The following NT5C2 variants were observed in gnomAD, a reference collection of about 807,000 sequenced individuals.
NT5C2 encodes the protein cytosolic purine 5'-nucleotidase.
Under a neutral mutation model 76.1 loss-of-function variants are expected in NT5C2, and 58 were observed. The ratio of observed to expected loss-of-function variants is 0.76; its 90% CI spans 0.62 to 0.95. NT5C2 has a LOEUF of 0.95. Ranked by LOEUF, NT5C2 falls within the 40% of genes least tolerant of loss-of-function variation. NT5C2 has a pLI of 0.00. For missense variants in NT5C2, 478 were observed against 690.3 expected (o/e 0.69, Z 3.45); for synonymous variants, 229 against 237.4 (o/e 0.96, Z 0.32).
rs117714488 is a variant in NT5C2, at chr10:103,111,438, A to G, written c.176-4732T>C. Among the ~76,000 whole-genome samples, 14 of 152,344 alleles carry G rather than the reference A, an allele frequency of 9.2e-5. No homozygotes were observed. In the East Asian group the frequency reaches 2.7e-3, roughly 29 times the overall value. On this transcript the variant is annotated intron_variant, in intron 4 of 18. Transcript: ENST00000404739. Reference sequence around the variant, plus strand: ...TTGAAGTTACTGAGAGCATTTAAAGATATTCTTTACTCCATAATCTGCAAG... The same window carrying G: ...TTGAAGTTACTGAGAGCATTTAAAGGTATTCTTTACTCCATAATCTGCAAG...
chr10:103,130,345 G>A (rs1164670798), intron 4 of NT5C2, among the ~76,000 whole-genome samples: 1 of 151,856 alleles, frequency 6.6e-6, no homozygotes, highest in East Asian at 1.9e-4. Context: ...TTAAACAGAT[G>A]CTTGAAGGCA....
intron 3 of NT5C2, among the ~76,000 whole-genome samples, chr10:103,155,326 CTCTT>C (rs1326072110): frequency 2.0e-5 from 3 of 152,192 alleles, no homozygotes; most frequent in African/African-American, 4.8e-5. Flanking sequence ...CTGTGCTAAG[CTCTT>C]TATTTATTAC....
intron 3 of NT5C2, among the ~76,000 whole-genome samples, chr10:103,156,443 T>C (rs974944178): frequency 3.9e-5 from 6 of 152,246 alleles, no homozygotes; most frequent in Non-Finnish European, 7.3e-5. Context: ...GTAGTAACAA[T>C]TAAAGTCCTC....
At position 103,167,436 on chromosome 10, in the gene NT5C2, T is replaced by G. The variant is rs184649779; in HGVS notation, c.101+7422A>C. The stretch of plus-strand genomic sequence containing the variant: ...ATTTTAACAATTATCCACTGAATAT[T>G]TGAACCAATACTAAAATGACAGTTT... On this transcript the variant is annotated intron_variant, in intron 3 of 18. Transcript: ENST00000404739. Among the ~76,000 whole-genome samples the G allele has an allele frequency of 1.3e-3, 198 of 152,276 alleles. 2 individuals are homozygous for G. Among genetic ancestry groups the G allele is most frequent in the Non-Finnish European group, 1.1e-3 (76 of 68,026 alleles).
In NT5C2 at chr10:103,091,628, T is replaced by G. The variant is rs1206977789; in HGVS notation, c.1160-13A>C. 2 of 1,611,214 alleles carry G rather than the reference T, an allele frequency of 1.2e-6. No individual in the cohort carries two copies. The highest frequency in any genetic ancestry group is 3.3e-5 in the Admixed American group (2 of 59,972). ...TCTTCGAAAAGTGCTAGTTAAGGTT[T>G]GGAAGGAAAAGGAAGACATTTTAAA... On this transcript the variant is annotated splice_polypyrimidine_tract_variant and intron_variant, in intron 15 of 18. Transcript: ENST00000404739.
At chr10:103,106,329 T>C (rs2071261193) in intron 5 of NT5C2, among the ~76,000 whole-genome samples, 1 of 151,992 alleles carries the variant, frequency 6.6e-6, no homozygotes, top group African/African-American at 2.4e-5. Flanking sequence ...CCATCAGTTT[T>C]AGTAATCTCC....
intron 1 of NT5C2, among the ~76,000 whole-genome samples, chr10:103,185,521 G>A (rs1337879343): frequency 6.6e-6 from 1 of 151,740 alleles, no homozygotes; most frequent in Non-Finnish European, 1.5e-5. Context: ...GGTGACGGGT[G>A]CCTGTAGACC....
At chr10:103,134,872 G>A (rs771012477) in intron 4 of NT5C2, among the ~76,000 whole-genome samples, 1 of 152,240 alleles carries the variant, frequency 6.6e-6, no homozygotes, top group Non-Finnish European at 1.5e-5. Context: ...GAGACACAGG[G>A]TCAAAATATA....
At chr10:103,125,414 C>T in intron 4 of NT5C2, 2 of 272,860 alleles carry the variant, frequency 7.3e-6, no homozygotes, top group South Asian at 8.2e-5. Context: ...TCATGTGCAC[C>T]ATTGTGGTGG....
chr10:103,093,985 G>C lies in NT5C2; in HGVS notation c.975C>G (p.Ile325Met). 6.2e-7 allele frequency: 1 copy of C among 1,613,044 alleles called. No individual in the cohort carries two copies. The change falls in exon 14 of 19, where the codon ATC becomes ATG. Residue 325 changes from isoleucine (I) to methionine (M), a missense_variant. Ile to Met is a conservative substitution (Grantham distance 10). Transcript: ENST00000404739. The part of the protein sequence containing the change: ...GTYTGPLQHG[I>M]VYSGGSSDTI... Reference sequence around the variant, plus strand: ...TCTGTGACTTACCTCCTGAGTAGACGATACCATGCTGTAGGGGCCCTGTGT... The same window carrying C: ...TCTGTGACTTACCTCCTGAGTAGACCATACCATGCTGTAGGGGCCCTGTGT...
intron 8 of NT5C2, 152 bp downstream of exon 8, chr10:103,100,893 G>A (rs1478726339): frequency 2.8e-6 from 2 of 703,048 alleles, no homozygotes; most frequent in East Asian, 5.4e-5. Flanking sequence ...TGCTGGTGCT[G>A]TCCCATCTCT....
At chr10:103,098,649 CTAT>C in intron 10 of NT5C2, 1 of 351,660 alleles carries the variant, frequency 2.8e-6, no homozygotes, top group Non-Finnish European at 5.2e-6. Context: ...CCTCTAACTG[CTAT>C]TATAATTGAA....
intron 6 of NT5C2, chr10:103,105,479 G>T: frequency 3.5e-6 from 2 of 573,318 alleles, no homozygotes; most frequent in Non-Finnish European, 2.9e-6. Flanking sequence ...TTTGTTGTAT[G>T]CTGTATAATT....
At chr10:103,189,611 A>G (rs1359588409) in intron 1 of NT5C2, among the ~76,000 whole-genome samples, 1 of 151,896 alleles carries the variant, frequency 6.6e-6, no homozygotes, top group East Asian at 1.9e-4. Flanking sequence ...TCTCAAAAAA[A>G]AAAACGAAAA....
At chr10:103,146,186 T>A (rs891316683) in intron 3 of NT5C2, 2 of 985,306 alleles carry the variant, frequency 2.0e-6, no homozygotes, top group African/African-American at 3.5e-5. Context: ...CTCAAAAGCA[T>A]GTATCTTCCG....
At position 103,093,287 on chromosome 10, in the gene NT5C2, G is replaced by T; in HGVS notation, c.1011C>A (p.Asp337Glu). The change falls in exon 15 of 19, where the codon GAC becomes GAA. Residue 337 changes from aspartate to glutamate, a missense_variant. Transcript: ENST00000404739. ...YSGGSSDTIC[D>E]LLGAKGKDIL... ...TGTCTTTTCCCTTGGCTCCCAACAG[G>T]TCACAGATCGTATCAGAAGAACCTG... The T allele has an allele frequency of 6.3e-7, 1 of 1,597,670 alleles. No homozygotes were observed. The highest frequency in any genetic ancestry group is 2.2e-5 in the East Asian group (1 of 44,476).
chr10:103,164,406 C>T (rs942295117), intron 3 of NT5C2, among the ~76,000 whole-genome samples: 6 of 151,940 alleles, frequency 3.9e-5, no homozygotes, highest in African/African-American at 9.7e-5. Context: ...TACAGGCATG[C>T]GCCACCACGC....
intron 3 of NT5C2, among the ~76,000 whole-genome samples, chr10:103,150,509 A>G (rs1438403654): frequency 2.6e-5 from 4 of 152,188 alleles, no homozygotes; most frequent in Non-Finnish European, 1.5e-5. Context: ...TTATGTGGGC[A>G]TTTTTTAATC....
At chr10:103,145,980 T>C in intron 3 of NT5C2, 1 of 835,256 alleles carries the variant, frequency 1.2e-6, no homozygotes, top group Non-Finnish European at 1.4e-6. Flanking sequence ...TTTGAAATTT[T>C]GTAAATAGCA....
Sources: allele counts gnomAD v4.1 joint callset (sites outside exome capture counted in the v4.1 genomes callset), GRCh38; gene constraint gnomAD v4.1.1; transcripts MANE v1.5; gene names NCBI Gene and HGNC (gene_info 2026-07-23, HGNC 2026-07-21).